Variants in CACNB4 observed in about 807,000 individuals in gnomAD.
CACNB4 encodes the protein voltage-dependent L-type calcium channel subunit beta-4.
Under a neutral mutation model 71.2 loss-of-function variants are expected in CACNB4, and 32 were observed. The observed-to-expected ratio is 0.45, with a 90% confidence interval of 0.34 to 0.60. CACNB4 has a LOEUF of 0.60. Among genes scored for constraint, CACNB4 ranks in the 20% least tolerant of loss-of-function variants. The probability of loss-of-function intolerance (pLI) is 0.01; values close to 1 mark genes in which losing one functional copy is unlikely to be tolerated. For missense variants in CACNB4, 464 were observed against 647.9 expected (o/e 0.72, Z 3.08); for synonymous variants, 231 against 236.9 (o/e 0.97, Z 0.23).
upstream of CACNB4, chr2:152,099,066 C>T: frequency 6.2e-6 from 8 of 1,285,838 alleles, no homozygotes; most frequent in Non-Finnish European, 8.5e-6. Context: ...GGGGCTGGCC[C>T]CCGAGGCTGG....
At chr2:151,926,216 G>A (rs2099860216) in intron 2 of CACNB4, among the ~76,000 whole-genome samples, 1 of 152,174 alleles carries the variant, frequency 6.6e-6, no homozygotes, top group Non-Finnish European at 1.5e-5. Context: ...ATCAGTATAG[G>A]TATCTGAGAA....
At chr2:151,990,158 T>C (rs1037954698) in intron 2 of CACNB4, among the ~76,000 whole-genome samples, 2 of 152,216 alleles carry the variant, frequency 1.3e-5, no homozygotes, top group African/African-American at 4.8e-5. Flanking sequence ...TAAGATAAAA[T>C]TTGAATTCTT....
At chr2:152,069,623 C>A (rs965931918) in intron 2 of CACNB4, among the ~76,000 whole-genome samples, 1 of 149,124 alleles carries the variant, frequency 6.7e-6, no homozygotes, top group African/African-American at 2.5e-5. Context: ...AGAGACACAA[C>A]AGTGGAAAAA....
intron 2 of CACNB4, chr2:151,972,731 A>G (rs1050944526): frequency 2.0e-5 from 3 of 149,564 alleles, no homozygotes; most frequent in African/African-American, 7.4e-5. Context: ...TAACCTGTTT[A>G]TTTGGTGGTT....
chr2:151,947,941 C>T (rs748952641), intron 2 of CACNB4, among the ~76,000 whole-genome samples: 4 of 152,094 alleles, frequency 2.6e-5, no homozygotes, highest in East Asian at 1.9e-4. Context: ...CCGAGGCTGC[C>T]GGAGGTAGGC....
At chr2:151,968,330 G>A (rs1395554625) in intron 2 of CACNB4, 4 of 152,298 alleles carry the variant, frequency 2.6e-5, no homozygotes, top group South Asian at 4.2e-4. Context: ...TAAATCAGCC[G>A]ATGTAGATGA....
At chr2:152,038,675 G>T (rs1684721286) in intron 2 of CACNB4, among the ~76,000 whole-genome samples, 1 of 152,212 alleles carries the variant, frequency 6.6e-6, no homozygotes, top group East Asian at 1.9e-4. Flanking sequence ...AATAAAAGCA[G>T]GACAGGCTGC....
chr2:151,923,482 G>A (rs568455633), intron 2 of CACNB4, among the ~76,000 whole-genome samples: 1 of 152,308 alleles, frequency 6.6e-6, no homozygotes, highest in South Asian at 2.1e-4. Context: ...ATGACCCCGT[G>A]TAGCCCCTTG....
At chr2:151,986,703 G>C (rs887706909) in intron 2 of CACNB4, among the ~76,000 whole-genome samples, 3 of 152,182 alleles carry the variant, frequency 2.0e-5, no homozygotes, top group African/African-American at 7.2e-5. Flanking sequence ...CCTGGTATTA[G>C]AGAGAAAAGT....
intron 12 of CACNB4, among the ~76,000 whole-genome samples, chr2:151,844,118 T>C (rs1355906466): frequency 6.6e-6 from 1 of 152,214 alleles, no homozygotes; most frequent in East Asian, 1.9e-4. Flanking sequence ...CATAAAATAC[T>C]CAGTCCCTAT....
chr2:151,891,027 T>A (rs543683672), intron 2 of CACNB4, among the ~76,000 whole-genome samples: 1 of 152,222 alleles, frequency 6.6e-6, no homozygotes, highest in Non-Finnish European at 1.5e-5. Context: ...AAATATACAG[T>A]ATAGTTCAAA....
intron 2 of CACNB4, among the ~76,000 whole-genome samples, chr2:151,979,623 T>G (rs2099874383): frequency 6.6e-6 from 1 of 152,232 alleles, no homozygotes; most frequent in Non-Finnish European, 1.5e-5. Flanking sequence ...GCTGATATTA[T>G]TATCAGTGCT....
At chr2:152,047,190 A>G (rs2680982) in intron 2 of CACNB4, among the ~76,000 whole-genome samples, 1 of 152,014 alleles carries the variant, frequency 6.6e-6, no homozygotes, top group Non-Finnish European at 1.5e-5. Context: ...ATAGAAACTA[A>G]AAATAACATC....
intron 2 of CACNB4, among the ~76,000 whole-genome samples, chr2:151,900,732 C>A (rs1477170158): frequency 6.6e-6 from 1 of 151,972 alleles, no homozygotes; most frequent in Non-Finnish European, 1.5e-5. Context: ...AAACTGCAGT[C>A]AGAGAGACTG....
intron 2 of CACNB4, among the ~76,000 whole-genome samples, chr2:152,061,523 T>G (rs927359061): frequency 2.2e-4 from 34 of 152,150 alleles, no homozygotes; most frequent in African/African-American, 7.5e-4. Flanking sequence ...CCCAAAACTT[T>G]GTGAAGTAAA....
intron 2 of CACNB4, among the ~76,000 whole-genome samples, chr2:151,907,693 AAC>A (rs1490790858): frequency 1.3e-5 from 2 of 152,180 alleles, no homozygotes; most frequent in Non-Finnish European, 2.9e-5. Flanking sequence ...GAATAAGAAA[AAC>A]AGCTTCAAAA....
chr2:151,892,403 T>C (rs1158390705), intron 2 of CACNB4, among the ~76,000 whole-genome samples: 1 of 151,436 alleles, frequency 6.6e-6, no homozygotes, highest in African/African-American at 2.4e-5. Context: ...TTCTGTCACA[T>C]AAAAAAGAAT....
At position 152,014,044 on chromosome 2, in the gene CACNB4, C is replaced by T. The variant is rs375316287; in HGVS notation, c.147+84286G>A. ...GATGTAGTGAGCAACACTCCATGGT[C>T]CAAAAGAGTCCTTCTTAGCCTGATG... On this transcript the variant is annotated intron_variant, in intron 2 of 13. Coordinates refer to ENST00000539935, the MANE Select transcript of CACNB4 (RefSeq NM_000726.5). 9.8e-5 allele frequency among the ~76,000 whole-genome samples: 15 copies of T among 152,290 alleles called. No individual in the cohort carries two copies. The East Asian group carries it at 1.7e-3, about 18-fold the overall frequency.
chr2:151,921,268 A>T (rs1387703016), intron 2 of CACNB4, among the ~76,000 whole-genome samples: 1 of 152,190 alleles, frequency 6.6e-6, no homozygotes, highest in Non-Finnish European at 1.5e-5. Context: ...GCATAGTTTC[A>T]TCATCTAAAA....
Sources: gnomAD v4.1 joint callset for allele counts (sites outside exome capture counted in the v4.1 genomes callset) on GRCh38, gnomAD v4.1.1 for gene constraint, MANE v1.5 for transcripts, NCBI Gene and HGNC (gene_info 2026-07-23, HGNC 2026-07-21) for gene names.